STAG1: variants seen among roughly 807,000 people sequenced by gnomAD.
STAG1 encodes the protein STAG1 cohesin complex component.
STAG1 carries 26 observed loss-of-function variants against 170.9 expected under a neutral mutation model. That is an observed-to-expected ratio of 0.15 (90% CI 0.11 to 0.21). The LOEUF (loss-of-function observed/expected upper bound fraction) is 0.21, where lower values mean the gene tolerates loss of function less well. Ranked by LOEUF, STAG1 falls within the 10% of genes least tolerant of loss-of-function variation. The pLI, the probability that STAG1 is intolerant of heterozygous loss-of-function variation, is 1.00. For missense variants in STAG1, 964 were observed against 1,509.5 expected (o/e 0.64, Z 5.99); for synonymous variants, 514 against 497.7 (o/e 1.03, Z -0.44).
At chr3:136,709,120 T>A (rs1943314275) in intron 1 of STAG1, among the ~76,000 whole-genome samples, 3 of 151,400 alleles carry the variant, frequency 2.0e-5, no homozygotes, top group Non-Finnish European at 4.4e-5. Context: ...TGAAACCCTG[T>A]CTCTGCTAAA....
chr3:136,471,539 A>G (rs994336054), intron 12 of STAG1, among the ~76,000 whole-genome samples: 1 of 151,572 alleles, frequency 6.6e-6, no homozygotes, highest in Non-Finnish European at 1.5e-5. Flanking sequence ...AGGATTTCAA[A>G]CAACAGTAGA....
chr3:136,386,863 CTAAT>C (rs1242898595), intron 22 of STAG1, among the ~76,000 whole-genome samples: 1 of 152,056 alleles, frequency 6.6e-6, no homozygotes, highest in Non-Finnish European at 1.5e-5. Context: ...CATGGAAAAA[CTAAT>C]TAGTAAACAC....
chr3:136,729,678 T>G (rs994152434), intron 1 of STAG1, among the ~76,000 whole-genome samples: 1 of 151,108 alleles, frequency 6.6e-6, no homozygotes. Context: ...TTTCAAGTGA[T>G]TCTCCTGCCT....
At chr3:136,459,794 G>A (rs561167191) in intron 13 of STAG1, among the ~76,000 whole-genome samples, 1 of 152,104 alleles carries the variant, frequency 6.6e-6, no homozygotes, top group Non-Finnish European at 1.5e-5. Context: ...TTAGAATTTC[G>A]TGAGAGAAAA....
chr3:136,522,576 AT>A (rs955387362), intron 6 of STAG1, among the ~76,000 whole-genome samples: 23 of 151,514 alleles, frequency 1.5e-4, no homozygotes, highest in African/African-American at 4.6e-4. Flanking sequence ...AATTATAATT[AT>A]TTTTCACTCT....
intron 1 of STAG1, among the ~76,000 whole-genome samples, chr3:136,659,823 T>C (rs1476027681): frequency 2.0e-5 from 3 of 152,204 alleles, no homozygotes; most frequent in Non-Finnish European, 2.9e-5. Flanking sequence ...TATGCTATAA[T>C]ATACTAGAAA....
intron 21 of STAG1, among the ~76,000 whole-genome samples, chr3:136,401,000 C>G (rs913987102): frequency 1.3e-5 from 2 of 152,116 alleles, no homozygotes; most frequent in Non-Finnish European, 2.9e-5. Flanking sequence ...AAAATCCAGT[C>G]TCACAAAGTA....
At chr3:136,712,673 G>A (rs915124042) in intron 1 of STAG1, among the ~76,000 whole-genome samples, 2 of 152,298 alleles carry the variant, frequency 1.3e-5, no homozygotes, top group Admixed American at 6.5e-5. Flanking sequence ...GCTGTTGGAA[G>A]AAAAGTTCAG....
intron 12 of STAG1, among the ~76,000 whole-genome samples, chr3:136,465,446 C>A (rs1319229989): frequency 6.7e-6 from 1 of 149,768 alleles, no homozygotes; most frequent in Non-Finnish European, 1.5e-5. Context: ...TTCTCTAACT[C>A]CTGATCTCAG....
chr3:136,693,652 C>T (rs1326620934), intron 1 of STAG1, among the ~76,000 whole-genome samples: 3 of 152,062 alleles, frequency 2.0e-5, no homozygotes, highest in Non-Finnish European at 4.4e-5. Context: ...TCACTGAAGC[C>T]TTGACCTCCC....
chr3:136,493,949 T>C (rs1000219754), intron 9 of STAG1, among the ~76,000 whole-genome samples: 1 of 152,114 alleles, frequency 6.6e-6, no homozygotes, highest in East Asian at 1.9e-4. Context: ...AAATACAAAT[T>C]ACCAAATCTG....
chr3:136,727,961 C>G (rs565533745), intron 1 of STAG1, among the ~76,000 whole-genome samples: 1 of 152,006 alleles, frequency 6.6e-6, no homozygotes, highest in Non-Finnish European at 1.5e-5. Context: ...AGTTTGAGAC[C>G]AGCCTGGCCA....
At chr3:136,503,384 A>T (rs533188667) in intron 7 of STAG1, among the ~76,000 whole-genome samples, 5 of 152,332 alleles carry the variant, frequency 3.3e-5, no homozygotes, top group Admixed American at 1.3e-4. Context: ...AGCCACAGTG[A>T]TAATGTACTT....
chr3:136,708,487 T>C (rs1389964915), intron 1 of STAG1, among the ~76,000 whole-genome samples: 1 of 152,102 alleles, frequency 6.6e-6, no homozygotes, highest in Non-Finnish European at 1.5e-5. Context: ...TAGGAAGTTA[T>C]TACTTACGGA....
intron 5 of STAG1, among the ~76,000 whole-genome samples, chr3:136,554,904 T>C (rs1936545158): frequency 6.7e-6 from 1 of 150,240 alleles, no homozygotes; most frequent in African/African-American, 2.4e-5. Flanking sequence ...ACCGAAAAAA[T>C]AAAACAAAAC....
chr3:136,577,725 C>T (rs1347218572), intron 4 of STAG1, among the ~76,000 whole-genome samples: 1 of 152,070 alleles, frequency 6.6e-6, no homozygotes, highest in Non-Finnish European at 1.5e-5. Context: ...CACACTATAA[C>T]CCAGAAGAAA....
intron 14 of STAG1, among the ~76,000 whole-genome samples, chr3:136,447,990 C>T (rs375223010): frequency 6.6e-6 from 1 of 152,186 alleles, no homozygotes; most frequent in Admixed American, 6.5e-5. Context: ...CATTCAAGTA[C>T]GACTTATCCA....
chr3:136,724,302 AC>A (rs1559974159), intron 1 of STAG1, among the ~76,000 whole-genome samples: 1 of 151,780 alleles, frequency 6.6e-6, no homozygotes, highest in South Asian at 2.1e-4. Context: ...CAGTGACCCT[AC>A]CCCCAACCCT....
intron 1 of STAG1, among the ~76,000 whole-genome samples, chr3:136,718,446 C>T (rs1003314955): frequency 6.6e-6 from 1 of 152,120 alleles, no homozygotes; most frequent in Non-Finnish European, 1.5e-5. Context: ...CAATCATGCT[C>T]ACCTGGTAGA....
Sources: gnomAD v4.1 joint callset for allele counts (sites outside exome capture counted in the v4.1 genomes callset) on GRCh38, gnomAD v4.1.1 for gene constraint, MANE v1.5 for transcripts, NCBI Gene and HGNC (gene_info 2026-07-23, HGNC 2026-07-21) for gene names.